Variants in WDR59 observed in about 807,000 individuals in gnomAD.
The protein encoded by WDR59 is WD repeat domain 59.
WDR59 carries 100 observed loss-of-function variants against 131.2 expected under a neutral mutation model. That is an observed-to-expected ratio of 0.76 (90% CI 0.65 to 0.90). WDR59 has a LOEUF of 0.90. Among genes scored for constraint, WDR59 ranks in the 40% least tolerant of loss-of-function variants. The probability of loss-of-function intolerance (pLI) is 0.00; values close to 1 mark genes in which losing one functional copy is unlikely to be tolerated. For missense variants in WDR59, 1,203 were observed against 1,262.2 expected (o/e 0.95, Z 0.71); for synonymous variants, 601 against 466.2 (o/e 1.29, Z -3.72).
intron 8 of WDR59, among the ~76,000 whole-genome samples, chr16:74,925,386 A>G (rs139576066): frequency 6.6e-6 from 1 of 151,944 alleles, no homozygotes; most frequent in Non-Finnish European, 1.5e-5. Context: ...TCTACCAAAA[A>G]TACAAAAATT....
chr16:74,892,600 C>T (rs1319221512), intron 19 of WDR59, 35 bp from the exon 20 acceptor site: 2 of 1,531,214 alleles, frequency 1.3e-6, no homozygotes, highest in South Asian at 2.3e-5. Context: ...ACATTTCTTT[C>T]TAGTGTAACT....
chr16:74,973,006 G>C (rs542756572), intron 1 of WDR59, among the ~76,000 whole-genome samples: 4 of 151,708 alleles, frequency 2.6e-5, no homozygotes, highest in African/African-American at 9.7e-5. Flanking sequence ...GCCGAGGCGG[G>C]CAGATCACCT....
At chr16:74,981,210 T>A (rs886336464) in intron 1 of WDR59, among the ~76,000 whole-genome samples, 6 of 150,508 alleles carry the variant, frequency 4.0e-5, no homozygotes, top group African/African-American at 1.5e-4. Flanking sequence ...CTAAAAAAAA[T>A]ATATATATAC....
chr16:74,982,946 T>C (rs1266111031), intron 1 of WDR59, among the ~76,000 whole-genome samples: 1 of 152,244 alleles, frequency 6.6e-6, no homozygotes, highest in African/African-American at 2.4e-5. Flanking sequence ...CACCTGTGCA[T>C]GGTATAGTGT....
chr16:74,921,807 G>C, intron 10 of WDR59, 140 bp downstream of exon 10: 2 of 1,021,022 alleles, frequency 2.0e-6, no homozygotes, highest in Non-Finnish European at 2.8e-6. Flanking sequence ...TATGACGAAA[G>C]GTGGCAACAG....
chr16:74,951,665 G>T, intron 3 of WDR59, 122 bp from the exon 4 acceptor site: 1 of 826,458 alleles, frequency 1.2e-6, no homozygotes, highest in East Asian at 2.7e-5. Flanking sequence ...CCTTCAGGCT[G>T]AACTTTTCTT....
At chr16:74,932,143 G>A (rs984751496) in intron 8 of WDR59, among the ~76,000 whole-genome samples, 2 of 150,654 alleles carry the variant, frequency 1.3e-5, no homozygotes, top group Non-Finnish European at 3.0e-5. Context: ...ACCTAAACTG[G>A]AGTGCAGTGG....
At chr16:74,921,488 T>C (rs1384570807) in intron 10 of WDR59, among the ~76,000 whole-genome samples, 4 of 152,020 alleles carry the variant, frequency 2.6e-5, no homozygotes, top group Non-Finnish European at 4.4e-5. Context: ...AATCACATCA[T>C]CTGTTTTCTT....
At chr16:74,934,267 A>G (rs1008970576) in intron 8 of WDR59, among the ~76,000 whole-genome samples, 1 of 152,220 alleles carries the variant, frequency 6.6e-6, no homozygotes, top group South Asian at 2.1e-4. Flanking sequence ...ATTCACGTTC[A>G]TGCATAAAGA....
At chr16:74,915,577 AT>A (rs57977057) in intron 13 of WDR59, 86,384 of 189,650 alleles carry the variant, frequency 0.46, 18,544 homozygotes, top group African/African-American at 0.76. Context: ...TTACAGGCTA[AT>A]TTTTTTTTTT....
intron 25 of WDR59, among the ~76,000 whole-genome samples, chr16:74,876,051 C>T (rs1330956009): frequency 6.6e-6 from 1 of 152,126 alleles, no homozygotes; most frequent in Non-Finnish European, 1.5e-5. Flanking sequence ...CGTTACACCA[C>T]GCATCTTCCA....
chr16:74,928,234 G>C (rs1163370319), intron 8 of WDR59, among the ~76,000 whole-genome samples: 1 of 124,024 alleles, frequency 8.1e-6, no homozygotes, highest in African/African-American at 3.1e-5. Context: ...TGAGACAGAA[G>C]ACAGAATCTC....
At position 74,938,237 on chromosome 16, in the gene WDR59, GGCTAGATATTCCACT is replaced by G. The variant is rs747716161; in HGVS notation, c.549_563del (p.Val184_Ala188del). 1.9e-6 allele frequency: 3 copies of G among 1,564,554 alleles called. No individual in the cohort carries two copies. The highest frequency in any genetic ancestry group is 8.7e-7 in the Non-Finnish European group (1 of 1,155,178). On this transcript the variant is annotated inframe_deletion, in exon 8 of 26. Coordinates refer to ENST00000262144, the MANE Select transcript of WDR59 (RefSeq NM_030581.4). ...GGCCATGGATTTTGGAGAGGTGGGC[GGCTAGATATTCCACT>G]GCTGTACTGGGTTTCTGCAACAGAT... is the stretch of plus-strand genomic sequence containing the variant.
chr16:74,951,403 C>A, intron 4 of WDR59, 55 bp downstream of exon 4: 1 of 1,516,918 alleles, frequency 6.6e-7, no homozygotes, highest in Non-Finnish European at 9.0e-7. Context: ...ATTTCGTTCC[C>A]AGGGGACTGT....
chr16:74,887,489 A>C (rs2144801296), intron 23 of WDR59, among the ~76,000 whole-genome samples, 194 bp downstream of exon 23: 1 of 152,344 alleles, frequency 6.6e-6, no homozygotes, highest in South Asian at 2.1e-4. Context: ...ACAGCAAGGC[A>C]CAAAGACCCC....
At chr16:74,935,562 ATAAT>A (rs1488671411) in intron 8 of WDR59, among the ~76,000 whole-genome samples, 1 of 152,018 alleles carries the variant, frequency 6.6e-6, no homozygotes, top group South Asian at 2.1e-4. Flanking sequence ...TATAATAAAA[ATAAT>A]TAATATAAAT....
intron 20 of WDR59, among the ~76,000 whole-genome samples, chr16:74,890,314 C>T (rs1443601871): frequency 6.6e-6 from 1 of 152,124 alleles, no homozygotes; most frequent in East Asian, 1.9e-4. Context: ...CCACACCTGG[C>T]TAATTTTTGT....
At chr16:74,930,177 G>C (rs1380132394) in intron 8 of WDR59, among the ~76,000 whole-genome samples, 1 of 152,076 alleles carries the variant, frequency 6.6e-6, no homozygotes, top group Non-Finnish European at 1.5e-5. Flanking sequence ...GTACATTTAA[G>C]AACAACTGAA....
rs2033748838 is a variant in WDR59 at position 74,965,811 on chromosome 16, CA to C, written c.65del (p.Met22SerfsTer23). On this transcript the variant is annotated frameshift_variant, in exon 2 of 26. Coordinates refer to ENST00000262144, the MANE Select transcript of WDR59 (RefSeq NM_030581.4). LOFTEE classifies it high-confidence loss of function. ...VEFRDSQATA[M>X]SVDCLGQHAV... The stretch of plus-strand genomic sequence containing the variant: ...CATGCTGCCCAAGACAGTCCACAGA[CA>C]TCGCAGTTGCCTGAGAGAGAGAACA... 1 of 1,614,024 alleles carries C rather than the reference CA, an allele frequency of 6.2e-7. No homozygotes were observed. Among genetic ancestry groups the C allele is most frequent in the Admixed American group, 1.7e-5 (1 of 59,986 alleles).
Sources: allele counts gnomAD v4.1 joint callset (sites outside exome capture counted in the v4.1 genomes callset), GRCh38; gene constraint gnomAD v4.1.1; transcripts MANE v1.5; gene names NCBI Gene and HGNC (gene_info 2026-07-23, HGNC 2026-07-21).